Variants in PATJ observed in about 807,000 individuals in gnomAD.
The protein encoded by PATJ is PATJ crumbs cell polarity complex component.
A neutral mutation model predicts 224.9 loss-of-function variants in PATJ; 190 were observed. The observed-to-expected ratio is 0.84, with a 90% CI of 0.75 to 0.95. PATJ has a LOEUF of 0.95. Ranked by LOEUF, PATJ falls within the 40% of genes least tolerant of loss-of-function variation. The pLI, the probability that PATJ is intolerant of heterozygous loss-of-function variation, is 0.00. For missense variants in PATJ, 2,121 were observed against 2,270.3 expected (o/e 0.93, Z 1.34); for synonymous variants, 769 against 820.3 (o/e 0.94, Z 1.07).
chr1:61,751,500 G>A (rs916052017), intron 1 of PATJ, among the ~76,000 whole-genome samples: 2 of 151,976 alleles, frequency 1.3e-5, no homozygotes, highest in South Asian at 2.1e-4. Flanking sequence ...ATTGTTGCTC[G>A]TTGGAGAAAA....
chr1:61,781,321 A>G (rs1404349798), intron 7 of PATJ, among the ~76,000 whole-genome samples: 1 of 152,258 alleles, frequency 6.6e-6, no homozygotes, highest in Non-Finnish European at 1.5e-5. Context: ...CATAGGGGAC[A>G]GAGCACTATT....
rs573154674 is a variant in PATJ, at chr1:61,793,149, C to G, written c.1168+1702C>G. Among the ~76,000 whole-genome samples the G allele has an allele frequency of 2.0e-5, 3 of 152,242 alleles. No individual in the cohort carries two copies. The East Asian group carries it at 5.8e-4, about 29-fold the overall frequency. ...AGTGCAGTGGCGTGATCTTGGCTCA[C>G]TGCAACCTCTGCCTCCCGCTTTCAA... On this transcript the variant is annotated intron_variant, in intron 9 of 43. Coordinates refer to ENST00000642238, the MANE Select transcript of PATJ (RefSeq NM_001350145.3).
At chr1:61,781,242 A>G (rs1377675953) in intron 7 of PATJ, among the ~76,000 whole-genome samples, 1 of 152,180 alleles carries the variant, frequency 6.6e-6, no homozygotes, top group African/African-American at 2.4e-5. Flanking sequence ...CACATCCATC[A>G]ACAGGGAGTA....
In PATJ at chr1:62,029,518, A is replaced by G. The variant is rs541511621; in HGVS notation, c.3960-8459A>G. Among the ~76,000 whole-genome samples the G allele has an allele frequency of 2.0e-5, 3 of 152,362 alleles. No homozygotes were observed. In the East Asian group the frequency reaches 5.8e-4, roughly 29 times the overall value. On this transcript the variant is annotated intron_variant, in intron 29 of 43. Transcript: ENST00000642238. ...AAATAACATGTTAATGAAATCCCTT[A>G]TTACAGTTTGAATTATGGTTACACC...
rs537861699 is a variant in PATJ, at chr1:61,844,396, A to G, written c.2112+10611A>G. 8.5e-5 allele frequency among the ~76,000 whole-genome samples: 13 copies of G among 152,152 alleles called. No individual in the cohort carries two copies. In the East Asian group the frequency reaches 2.5e-3, roughly 29 times the overall value. On this transcript the variant is annotated intron_variant, in intron 17 of 43. Transcript: ENST00000642238. ...AATCCTTTGAAAACTTTGTGTTCTG[A>G]TTTTTTATTTGGAAAACATGGCCAC...
intron 28 of PATJ, among the ~76,000 whole-genome samples, chr1:62,013,145 G>A (rs1220535334): frequency 1.3e-5 from 2 of 152,146 alleles, no homozygotes; most frequent in South Asian, 2.1e-4. Context: ...TTCCTCTTAC[G>A]TAAATTAAAA....
At chr1:61,815,810 T>C (rs775557390) in intron 14 of PATJ, among the ~76,000 whole-genome samples, 3 of 152,188 alleles carry the variant, frequency 2.0e-5, no homozygotes, top group African/African-American at 4.8e-5. Context: ...GACTTAAGCA[T>C]TAGCTGCACT....
intron 7 of PATJ, 113 bp downstream of exon 7, chr1:61,775,447 T>C: frequency 1.2e-6 from 1 of 852,054 alleles, no homozygotes; most frequent in Non-Finnish European, 1.8e-6. Flanking sequence ...AACAAGAATT[T>C]AAGTATAGCT....
At chr1:61,942,149 T>C (rs1272226537) in intron 27 of PATJ, among the ~76,000 whole-genome samples, 2 of 152,176 alleles carry the variant, frequency 1.3e-5, no homozygotes, top group Non-Finnish European at 2.9e-5. Flanking sequence ...TTTTTTCTTT[T>C]ATTGAAAAAA....
rs186784078 is a variant in PATJ at position 61,818,854 on chromosome 1, G to A, written c.1684-4091G>A. ...CCAGCTGTTCCATGGAGGTGGGAATGGGGGTCATCATATGAATAGATGCGG... is the reference window on the plus strand; with the variant it reads ...CCAGCTGTTCCATGGAGGTGGGAATAGGGGTCATCATATGAATAGATGCGG... On this transcript the variant is annotated intron_variant, in intron 14 of 43. Coordinates refer to ENST00000642238, the MANE Select transcript of PATJ (RefSeq NM_001350145.3). Among the ~76,000 whole-genome samples, 214 of 152,256 alleles carry A rather than the reference G, an allele frequency of 1.4e-3. 1 individual carries two copies. The highest frequency in any genetic ancestry group is 4.6e-3 in the African/African-American group (190 of 41,554).
At chr1:61,791,490 A>C in intron 9 of PATJ, 43 bp downstream of exon 9, 2 of 1,241,426 alleles carry the variant, frequency 1.6e-6, no homozygotes, top group Non-Finnish European at 2.3e-6. Flanking sequence ...ATTGTAAAGG[A>C]TGTTAAGGTT....
chr1:62,132,266 T>C (rs1183031551), intron 41 of PATJ, among the ~76,000 whole-genome samples: 1 of 152,080 alleles, frequency 6.6e-6, no homozygotes. Context: ...AATCAAGAAA[T>C]AGAAGTAAAA....
intron 22 of PATJ, among the ~76,000 whole-genome samples, chr1:61,894,202 G>C (rs372099347): frequency 1.3e-5 from 2 of 150,758 alleles, no homozygotes; most frequent in African/African-American, 2.4e-5. Context: ...TGCAGTGAGC[G>C]AAGATTGTGC....
intron 35 of PATJ, 123 bp downstream of exon 35, chr1:62,114,369 G>T: frequency 1.1e-6 from 1 of 937,474 alleles, no homozygotes; most frequent in Non-Finnish European, 1.6e-6. Flanking sequence ...AGATATTTAT[G>T]AAAATTTGAC....
At chr1:62,029,420 A>G (rs1050987807) in intron 29 of PATJ, among the ~76,000 whole-genome samples, 2 of 152,276 alleles carry the variant, frequency 1.3e-5, no homozygotes, top group Admixed American at 6.5e-5. Context: ...TTTTGGCAAC[A>G]ATTTACAGTG....
At chr1:62,074,284 C>G (rs1388922401) in intron 31 of PATJ, among the ~76,000 whole-genome samples, 1 of 151,302 alleles carries the variant, frequency 6.6e-6, no homozygotes, top group Non-Finnish European at 1.5e-5. Context: ...GTGCAGCACA[C>G]CAACATGGCA....
intron 18 of PATJ, among the ~76,000 whole-genome samples, chr1:61,861,096 G>A (rs1664463438): frequency 6.6e-6 from 1 of 151,046 alleles, no homozygotes; most frequent in African/African-American, 2.4e-5. Flanking sequence ...CTATTCCTGG[G>A]AAAGTGATTT....
intron 24 of PATJ, 92 bp from the exon 25 acceptor site, chr1:61,908,280 C>T: frequency 1.2e-6 from 1 of 828,840 alleles, no homozygotes; most frequent in South Asian, 1.6e-5. Flanking sequence ...TCTGGTTGTT[C>T]TTATAACTAG....
chr1:61,814,547 T>TGCGCGCGC (rs1553168028), intron 14 of PATJ, among the ~76,000 whole-genome samples: 37 of 142,568 alleles, frequency 2.6e-4, no homozygotes, highest in African/African-American at 9.7e-4. Context: ...TGTGTGTGTG[T>TGCGCGCGC]GCGCGCGCGC....
Sources: allele counts gnomAD v4.1 joint callset (sites outside exome capture counted in the v4.1 genomes callset), GRCh38; gene constraint gnomAD v4.1.1; transcripts MANE v1.5; gene names NCBI Gene and HGNC (gene_info 2026-07-23, HGNC 2026-07-21).